Variants in CNTN6 observed in about 807,000 individuals in gnomAD.
CNTN6 encodes the protein contactin-6.
A neutral mutation model predicts 122.8 loss-of-function variants in CNTN6; 137 were observed. The ratio of observed to expected loss-of-function variants is 1.12; its 90% CI spans 0.97 to 1.29. The LOEUF (loss-of-function observed/expected upper bound fraction) is 1.29. Ranked by LOEUF, CNTN6 falls within the 50% of genes most tolerant of loss-of-function variation. The pLI, the probability that CNTN6 is intolerant of heterozygous loss-of-function variation, is 0.00. For missense variants in CNTN6, 1,634 were observed against 1,223.4 expected (o/e 1.34, Z -5.01); for synonymous variants, 570 against 426.0 (o/e 1.34, Z -4.16).
intron 1 of CNTN6, among the ~76,000 whole-genome samples, chr3:1,117,150 C>T (rs989125503): frequency 2.6e-5 from 4 of 152,104 alleles, no homozygotes; most frequent in African/African-American, 9.7e-5. Context: ...TTTATATTGC[C>T]TTTGTTGTTC....
chr3:1,367,013 T>A, intron 12 of CNTN6, among the ~76,000 whole-genome samples: 1 of 152,178 alleles, frequency 6.6e-6, no homozygotes. Flanking sequence ...CAGCAAAAAA[T>A]GCATTTCTAA....
intron 4 of CNTN6, among the ~76,000 whole-genome samples, chr3:1,277,714 TAAAG>T (rs1292045703): frequency 2.0e-5 from 3 of 152,104 alleles, no homozygotes; most frequent in African/African-American, 4.8e-5. Context: ...ATTTTACAGG[TAAAG>T]AAACTGAGGC....
intron 4 of CNTN6, among the ~76,000 whole-genome samples, chr3:1,264,027 C>T (rs941066228): frequency 1.3e-5 from 2 of 151,390 alleles, no homozygotes; most frequent in Non-Finnish European, 2.9e-5. Flanking sequence ...CATTATGTTC[C>T]GAAAAACAGG....
chr3:1,133,352 T>C (rs1352547184), intron 1 of CNTN6, among the ~76,000 whole-genome samples: 1 of 152,160 alleles, frequency 6.6e-6, no homozygotes, highest in Non-Finnish European at 1.5e-5. Flanking sequence ...ATAATAATAA[T>C]AATAGCAGCT....
chr3:1,383,289 G>T lies in CNTN6; in HGVS notation c.2402-4G>T. ...AGATGGTTATGTCTTTCTCTGGATG[G>T]TAGAACCTCAACTGGCCCCAAGGGG... is the stretch of plus-strand genomic sequence containing the variant. On this transcript the variant is annotated splice_region_variant and splice_polypyrimidine_tract_variant and intron_variant, in intron 18 of 22. Transcript: ENST00000446702. 1 of 1,612,524 alleles carries T rather than the reference G, an allele frequency of 6.2e-7. No homozygotes were observed. The highest frequency in any genetic ancestry group is 2.2e-5 in the East Asian group (1 of 44,868).
At chr3:1,094,680 C>T (rs2090426325) in intron 1 of CNTN6, among the ~76,000 whole-genome samples, 1 of 151,622 alleles carries the variant, frequency 6.6e-6, no homozygotes, top group African/African-American at 2.4e-5. Flanking sequence ...CATATTTTCT[C>T]TGAGTTTAGA....
At position 1,286,797 on chromosome 3, in the gene CNTN6, T is replaced by A. The variant is rs139135487; in HGVS notation, c.454+8289T>A. ...ATTCAGTATCTCACATGGAGACCCATCTCACATGCAAAGACACATAGGAGA... is the reference window on the plus strand; with the variant it reads ...ATTCAGTATCTCACATGGAGACCCAACTCACATGCAAAGACACATAGGAGA... On this transcript the variant is annotated intron_variant, in intron 5 of 22. Coordinates refer to ENST00000446702, the MANE Select transcript of CNTN6 (RefSeq NM_001289080.2). 2.6e-5 allele frequency among the ~76,000 whole-genome samples: 4 copies of A among 152,098 alleles called. No homozygotes were observed. The East Asian group carries it at 7.8e-4, about 30-fold the overall frequency.
chr3:1,400,069 G>A (rs553359911), intron 20 of CNTN6, among the ~76,000 whole-genome samples: 53 of 152,010 alleles, frequency 3.5e-4, no homozygotes, highest in Middle Eastern at 3.2e-3. Context: ...TGACACACAG[G>A]AGATTAAACA....
At chr3:1,116,671 C>T (rs1432920716) in intron 1 of CNTN6, among the ~76,000 whole-genome samples, 1 of 149,304 alleles carries the variant, frequency 6.7e-6, no homozygotes, top group Non-Finnish European at 1.5e-5. Flanking sequence ...AAATTGGATG[C>T]CAATGGAGAA....
At chr3:1,343,714 C>CTA (rs1275323732) in intron 11 of CNTN6, among the ~76,000 whole-genome samples, 5 of 151,878 alleles carry the variant, frequency 3.3e-5, no homozygotes, top group South Asian at 2.1e-4. Context: ...GGCTCTCTCT[C>CTA]TCTATATATA....
intron 1 of CNTN6, among the ~76,000 whole-genome samples, chr3:1,144,350 C>T (rs568142969): frequency 1.5e-4 from 23 of 152,068 alleles, no homozygotes; most frequent in African/African-American, 3.6e-4. Context: ...CCAAGATGGA[C>T]GGATCACTGG....
At chr3:1,369,842 A>G (rs371208723) in intron 12 of CNTN6, among the ~76,000 whole-genome samples, 1 of 151,066 alleles carries the variant, frequency 6.6e-6, no homozygotes, top group African/African-American at 2.4e-5. Context: ...GGATCCCTGG[A>G]TATCTTTTTT....
intron 5 of CNTN6, among the ~76,000 whole-genome samples, chr3:1,281,184 G>A (rs1350283022): frequency 1.3e-5 from 2 of 152,128 alleles, no homozygotes; most frequent in Non-Finnish European, 2.9e-5. Flanking sequence ...ACGGGTCGTT[G>A]AAGGTCATCT....
chr3:1,146,155 T>G (rs894865734), intron 1 of CNTN6, among the ~76,000 whole-genome samples: 2 of 152,166 alleles, frequency 1.3e-5, no homozygotes, highest in Non-Finnish European at 2.9e-5. Flanking sequence ...AGATATAACA[T>G]AAATTTTGAT....
At chr3:1,106,779 C>A (rs2091245080) in intron 1 of CNTN6, among the ~76,000 whole-genome samples, 1 of 151,904 alleles carries the variant, frequency 6.6e-6, no homozygotes, top group Non-Finnish European at 1.5e-5. Flanking sequence ...TCATGGTTAG[C>A]CAGAACAATT....
chr3:1,145,392 G>A (rs1466135850), intron 1 of CNTN6, among the ~76,000 whole-genome samples: 2 of 152,132 alleles, frequency 1.3e-5, no homozygotes, highest in Admixed American at 1.3e-4. Flanking sequence ...AGAAGGTGGA[G>A]GCAAATAACT....
intron 14 of CNTN6, 148 bp from the exon 15 acceptor site, chr3:1,373,456 T>C: frequency 1.5e-6 from 1 of 664,068 alleles, no homozygotes; most frequent in Non-Finnish European, 2.4e-6. Context: ...AGGGAATTAA[T>C]AGAACTTTAT....
chr3:1,149,303 C>T (rs1575024638), intron 2 of CNTN6, among the ~76,000 whole-genome samples: 2 of 152,258 alleles, frequency 1.3e-5, no homozygotes, highest in South Asian at 4.1e-4. Context: ...CTCTCTTCTA[C>T]CATACCATGC....
Position 1,297,921 on chromosome 3 carries a change from G to C in CNTN6, c.691G>C (p.Val231Leu), listed in dbSNP as rs373831062. Residue 231 changes from valine (V) to leucine (L), a missense_variant, in exon 7 of 23, where the codon GTG becomes CTG. By Grantham distance (32) the Val-to-Leu change is conservative. Coordinates refer to ENST00000446702, the MANE Select transcript of CNTN6 (RefSeq NM_001289080.2). Reference protein sequence around the residue: ...VMGEYEPKIEVRFPETIQAAK... With the variant: ...VMGEYEPKIELRFPETIQAAK... ...GGGGGAATATGAACCAAAGATTGAA[G>C]TGCGTTTTCCTGAAACTATACAAGC... is the stretch of plus-strand genomic sequence containing the variant. 8.8e-5 allele frequency: 142 copies of C among 1,612,654 alleles called. No individual in the cohort carries two copies. The highest frequency in any genetic ancestry group is 1.2e-4 in the Non-Finnish European group (137 of 1,179,554).
Sources: allele counts gnomAD v4.1 joint callset (sites outside exome capture counted in the v4.1 genomes callset), GRCh38; gene constraint gnomAD v4.1.1; transcripts MANE v1.5; gene names NCBI Gene and HGNC (gene_info 2026-07-23, HGNC 2026-07-21).